The following MAP1B variants were observed in gnomAD, a reference collection of about 807,000 sequenced individuals.
The protein encoded by MAP1B is microtubule-associated protein 1B.
Under a neutral mutation model 176.1 loss-of-function variants are expected in MAP1B, and 12 were observed. That is an observed-to-expected ratio of 0.07 (90% CI 0.04 to 0.11). MAP1B has a LOEUF of 0.11. MAP1B is among the 10% of genes least tolerant of loss of function. The probability of loss-of-function intolerance (pLI) is 1.00; values close to 1 mark genes in which losing one functional copy is unlikely to be tolerated. For missense variants in MAP1B, 2,523 were observed against 2,990.5 expected (o/e 0.84, Z 3.65); for synonymous variants, 1,044 against 1,135.0 (o/e 0.92, Z 1.61).
chr5:72,142,398 G>A (rs978431564), intron 2 of MAP1B, among the ~76,000 whole-genome samples: 3 of 152,206 alleles, frequency 2.0e-5, no homozygotes, highest in African/African-American at 7.2e-5. Context: ...CAGGTAGTCT[G>A]CAAAATTCCG....
At chr5:72,128,105 C>T (rs60171248) in intron 2 of MAP1B, among the ~76,000 whole-genome samples, 2,192 of 152,148 alleles carry the variant, frequency 0.014, 55 homozygotes, top group African/African-American at 0.049. Flanking sequence ...GAGTGCACAC[C>T]GTGCTACCTA....
At chr5:72,155,925 C>G (rs1008662165) in intron 2 of MAP1B, among the ~76,000 whole-genome samples, 2 of 152,128 alleles carry the variant, frequency 1.3e-5, no homozygotes, top group Non-Finnish European at 2.9e-5. Flanking sequence ...TGCCACCATG[C>G]CTGGCTAATT....
In MAP1B at chr5:72,196,201, A is replaced by G. The variant is rs1378176210; in HGVS notation, c.2846A>G (p.Glu949Gly). 1 of 1,613,560 alleles carries G rather than the reference A, an allele frequency of 6.2e-7. No homozygotes were observed. Among genetic ancestry groups the G allele is most frequent in the South Asian group, 1.1e-5 (1 of 91,030 alleles). The change falls in exon 5 of 7, where the codon GAG becomes GGG. Residue 949 changes from glutamate to glycine, a missense_variant. Transcript: ENST00000296755. This position sits in a 1 kb window ranked among gnomAD's most constrained non-coding sequence, Gnocchi z 5.3. ...TGDYEEKAET[E>G]EAEEPEEDGE... is the part of the protein sequence containing the mutation. ...GACTATGAAGAGAAGGCAGAAACTG[A>G]GGAGGCTGAGGAGCCAGAAGAGGAT...
At chr5:72,183,937 A>C in intron 3 of MAP1B, 112 bp downstream of exon 3, 1 of 909,490 alleles carries the variant, frequency 1.1e-6, no homozygotes. Context: ...AACAGAGAGA[A>C]GTTCTGGGTT....
chr5:72,200,028 T>C lies in MAP1B; in HGVS notation c.6673T>C (p.Leu2225=). 6.2e-7 allele frequency: 1 copy of C among 1,614,138 alleles called. No individual in the cohort carries two copies. The highest frequency in any genetic ancestry group is 2.2e-5 in the East Asian group (1 of 44,886). ...TGTGTCCATGGTGGACCCAGAGGCC[T>C]TGGCCATTGAGCAGAACCTGGGCAA... ...PDVSMVDPEA[L]AIEQNLGKAL... is the part of the protein sequence containing the mutation. The change falls in exon 5 of 7, where the codon TTG becomes CTG. Residue 2225 remains leucine, a synonymous_variant. Coordinates refer to ENST00000296755, the MANE Select transcript of MAP1B (RefSeq NM_005909.5).
chr5:72,197,463 G>A lies in MAP1B; in HGVS notation c.4108G>A (p.Asp1370Asn), dbSNP rs148650535. 6.2e-7 allele frequency: 1 copy of A among 1,614,090 alleles called. No homozygotes were observed. The highest frequency in any genetic ancestry group is 1.3e-5 in the African/African-American group (1 of 74,922). Reference sequence around the variant, plus strand: ...GAGTTTTGAATTCAGTGATGCCAAAGATGAGAATGAAAGGGCTTCAGTAAG... The same window carrying A: ...GAGTTTTGAATTCAGTGATGCCAAAAATGAGAATGAAAGGGCTTCAGTAAG... Reference protein sequence around the residue: ...PVSFEFSDAKDENERASVSPM... With the variant: ...PVSFEFSDAKNENERASVSPM... Residue 1370 changes from aspartate (D) to asparagine (N), a missense_variant, in exon 5 of 7, where the codon GAT becomes AAT. By Grantham distance (23) the Asp-to-Asn change is conservative. This residue lies in a region of MAP1B where 1,925 missense variants were observed against 2,126.0 expected (regional missense o/e 0.91). Coordinates refer to ENST00000296755, the MANE Select transcript of MAP1B (RefSeq NM_005909.5).
At chr5:72,161,792 A>G (rs974703277) in intron 2 of MAP1B, among the ~76,000 whole-genome samples, 1 of 152,002 alleles carries the variant, frequency 6.6e-6, no homozygotes, top group African/African-American at 2.4e-5. Context: ...CCCTGCCTCT[A>G]CTAAAAATAC....
Position 72,198,219 on chromosome 5 carries a change from C to A in MAP1B, c.4864C>A (p.Pro1622Thr). 4 of 1,614,230 alleles carry A rather than the reference C, an allele frequency of 2.5e-6. No individual in the cohort carries two copies. The highest frequency in any genetic ancestry group is 3.4e-6 in the Non-Finnish European group (4 of 1,180,034). Reference protein sequence around the residue: ...ECPRPMSISPPDFSPKTAKSR... With the variant: ...ECPRPMSISPTDFSPKTAKSR... The stretch of plus-strand genomic sequence containing the variant: ...CCCAAGACCGATGTCAATTTCTCCA[C>A]CAGATTTCTCCCCTAAAACTGCAAA... Residue 1622 changes from proline to threonine, a missense_variant, in exon 5 of 7, where the codon CCA becomes ACA. By Grantham distance (38) the Pro-to-Thr change is conservative (BLOSUM62 -1). Transcript: ENST00000296755.
chr5:72,192,513 A>G (rs1222927356), intron 4 of MAP1B, among the ~76,000 whole-genome samples: 1 of 152,252 alleles, frequency 6.6e-6, no homozygotes, highest in Non-Finnish European at 1.5e-5. Flanking sequence ...TTTTACTGCA[A>G]TATTGCAGTC....
At chr5:72,169,267 G>A (rs913656730) in intron 2 of MAP1B, among the ~76,000 whole-genome samples, 5 of 152,198 alleles carry the variant, frequency 3.3e-5, no homozygotes, top group Non-Finnish European at 7.3e-5. Context: ...CTTTGGGGCA[G>A]TTTTTGGCCC....
In MAP1B at chr5:72,195,466, C is replaced by T. The variant is rs745610935; in HGVS notation, c.2111C>T (p.Thr704Ile). The part of the protein sequence containing the change: ...KEPKKEVKKE[T>I]PPKEVKKEVK... ...CCCAAGAAAGAGGTTAAGAAAGAAA[C>T]ACCGCCAAAGGAAGTCAAGAAGGAA... is the stretch of plus-strand genomic sequence containing the variant. The change falls in exon 5 of 7, where the codon ACA becomes ATA. Residue 704 changes from threonine (T) to isoleucine (I), a missense_variant. Thr to Ile is a moderately conservative substitution (Grantham distance 89). Coordinates refer to ENST00000296755, the MANE Select transcript of MAP1B (RefSeq NM_005909.5). 1.3e-6 allele frequency: 2 copies of T among 1,588,282 alleles called. No homozygotes were observed.
chr5:72,134,860 T>C (rs1745807663), intron 2 of MAP1B, among the ~76,000 whole-genome samples: 1 of 149,772 alleles, frequency 6.7e-6, no homozygotes, highest in South Asian at 2.2e-4. Flanking sequence ...CCATCAGACC[T>C]CTGAAATATT....
At position 72,113,388 on chromosome 5, in the gene MAP1B, C is replaced by T. The variant is rs114409452; in HGVS notation, c.185-2310C>T. Among the ~76,000 whole-genome samples, 365 of 151,998 alleles carry T rather than the reference C, an allele frequency of 2.4e-3. 1 individual carries two copies. The highest frequency in any genetic ancestry group is 0.013 in the South Asian group (64 of 4,806). On this transcript the variant is annotated intron_variant, in intron 1 of 6. Transcript: ENST00000296755. Reference sequence around the variant, plus strand: ...AAAAATGAGAAATATTTTTATCAGCCGTTTACTAGTATAATTTAGAAATTA... The same window carrying T: ...AAAAATGAGAAATATTTTTATCAGCTGTTTACTAGTATAATTTAGAAATTA...
chr5:72,158,041 G>T (rs1680647502), intron 2 of MAP1B, among the ~76,000 whole-genome samples: 1 of 135,532 alleles, frequency 7.4e-6, no homozygotes, highest in South Asian at 2.3e-4. Flanking sequence ...ATGGAGTCTC[G>T]CGTTCGCCCA....
Position 72,205,135 on chromosome 5 carries a change from G to C in MAP1B, c.7303G>C (p.Glu2435Gln). Reference protein sequence around the residue: ...DSEVMREWYQETHEKQQDLNI... With the variant: ...DSEVMREWYQQTHEKQQDLNI... ...AGAAGTGATGAGGGAATGGTACCAG[G>C]AGACCCATGAGAAACAGCAAGATCT... The change falls in exon 7 of 7, where the codon GAG becomes CAG. Residue 2435 changes from glutamate to glutamine, a missense_variant. Coordinates refer to ENST00000296755, the MANE Select transcript of MAP1B (RefSeq NM_005909.5). 2 of 1,613,862 alleles carry C rather than the reference G, an allele frequency of 1.2e-6. No individual in the cohort carries two copies. Among genetic ancestry groups the C allele is most frequent in the East Asian group, 4.5e-5 (2 of 44,854 alleles).
At chr5:72,203,512 G>A in intron 5 of MAP1B, 51 bp from the exon 6 acceptor site, 1 of 1,297,648 alleles carries the variant, frequency 7.7e-7, no homozygotes, top group South Asian at 1.2e-5. Context: ...CTGGATGTAT[G>A]GTCTCTTCAC....
Position 72,197,452 on chromosome 5 carries a change from G to A in MAP1B, c.4097G>A (p.Ser1366Asn). The part of the protein sequence containing the change: ...PPAVPVSFEF[S>N]DAKDENERAS... ...GCAGTTCCAGTGAGTTTTGAATTCA[G>A]TGATGCCAAAGATGAGAATGAAAGG... Residue 1366 changes from serine (S) to asparagine (N), a missense_variant, in exon 5 of 7, where the codon AGT becomes AAT. Physicochemically the swap from Ser to Asn is conservative, Grantham distance 46. Around this residue, in one of 4 missense-constraint regions of MAP1B, gnomAD observed 1,925 missense variants for 2,126.0 expected, o/e 0.91. Transcript: ENST00000296755. 6.2e-7 allele frequency: 1 copy of A among 1,614,190 alleles called. No individual in the cohort carries two copies. The highest frequency in any genetic ancestry group is 8.5e-7 in the Non-Finnish European group (1 of 1,180,036).
At position 72,197,243 on chromosome 5, in the gene MAP1B, G is replaced by A. The variant is rs112410183; in HGVS notation, c.3888G>A (p.Pro1296=). Residue 1296 remains proline (P), a synonymous_variant, in exon 5 of 7, where the codon CCG becomes CCA. Coordinates refer to ENST00000296755, the MANE Select transcript of MAP1B (RefSeq NM_005909.5). Reference sequence around the variant, plus strand: ...TCTCTGCAGAGGCAGAAGTAGCCCCGGTGTCTCCTGAGGTGACCCAAGAAG... The same window carrying A: ...TCTCTGCAGAGGCAGAAGTAGCCCCAGTGTCTCCTGAGGTGACCCAAGAAG... ...IKVSAEAEVA[P]VSPEVTQEVV... 5.0e-5 allele frequency: 81 copies of A among 1,614,164 alleles called. 1 individual carries two copies. The African/African-American group carries it at 5.9e-4, about 12-fold the overall frequency.
chr5:72,123,548 G>A (rs912511706), intron 2 of MAP1B, among the ~76,000 whole-genome samples: 63 of 151,694 alleles, frequency 4.2e-4, no homozygotes, highest in Admixed American at 3.5e-3. Context: ...GCAGTGGTGC[G>A]ATCTCGGCTC....
Sources: gnomAD v4.1 joint callset for allele counts (sites outside exome capture counted in the v4.1 genomes callset) on GRCh38, gnomAD v4.1.1 for gene constraint, gnomAD v4.1.1 regional missense constraint, Gnocchi (gnomAD v3.1) non-coding constraint, MANE v1.5 for transcripts, NCBI Gene and HGNC (gene_info 2026-07-23, HGNC 2026-07-21) for gene names.